The following PLBD2 variants were observed in gnomAD, a reference collection of about 807,000 sequenced individuals.
PLBD2 encodes the protein phospholipase B domain containing 2, also known as putative aminopeptidase PLBD2.
Under a neutral mutation model 68.3 loss-of-function variants are expected in PLBD2, and 51 were observed. The observed-to-expected ratio is 0.75, with a 90% CI of 0.60 to 0.94. The LOEUF (loss-of-function observed/expected upper bound fraction) is 0.94. PLBD2 is among the 40% of genes least tolerant of loss of function. The pLI is 0.00. For synonymous variants in PLBD2, 314 were observed against 339.3 expected (o/e 0.93, Z 0.82); for missense variants, 729 against 792.2 (o/e 0.92, Z 0.96).
At chr12:113,360,395 G>T (rs535434204) in intron 1 of PLBD2, among the ~76,000 whole-genome samples, 20 of 152,346 alleles carry the variant, frequency 1.3e-4, no homozygotes, top group South Asian at 2.1e-4. Context: ...AGGGGCAGGA[G>T]CGAGGCCCAG....
chr12:113,387,122 G>T (rs778649568), intron 10 of PLBD2, 33 bp downstream of exon 10: 2 of 1,533,366 alleles, frequency 1.3e-6, no homozygotes, highest in Non-Finnish European at 1.8e-6. Flanking sequence ...GTTGGGGAGA[G>T]GGAGGCCGCA....
At chr12:113,374,062 T>C (rs1339554682) in intron 3 of PLBD2, among the ~76,000 whole-genome samples, 1 of 152,048 alleles carries the variant, frequency 6.6e-6, no homozygotes, top group Non-Finnish European at 1.5e-5. Flanking sequence ...TTTATGGCTA[T>C]AGGATGTTGA....
Position 113,383,996 on chromosome 12 carries a change from CAAAAAAAAAAAA to C in PLBD2, c.958-96_958-85del. On this transcript the variant is annotated intron_variant, in intron 6 of 11. Transcript: ENST00000280800. ...CCTGGGCAAGAGTGAGACTCTATCT[CAAAAAAAAAAAA>C]AAAAAAAAAAAATTTTTGGAGCCAT... The C allele has an allele frequency of 1.0e-5, 5 of 490,518 alleles. No homozygotes were observed. The African/African-American group carries it at 1.1e-4, about 11-fold the overall frequency. The allele number at this position is 490,518 out of a possible 1,614,324, so 30.4% of individuals were successfully genotyped here.
In PLBD2 at chr12:113,387,781, A is replaced by G; in HGVS notation, c.1477A>G (p.Lys493Glu). The change falls in exon 11 of 12, where the codon AAA becomes GAA. Residue 493 changes from lysine (K) to glutamate (E), a missense_variant. Physicochemically the swap from Lys to Glu is moderately conservative, Grantham distance 56 (BLOSUM62 1). Coordinates refer to ENST00000280800, the MANE Select transcript of PLBD2 (RefSeq NM_173542.4). ...CCTCCATGACCCTCTGTCACTGTGC[A>G]AAGCCTGCAACCCCCAGCCCAATGG... The part of the protein sequence containing the change: ...DFLHDPLSLC[K>E]ACNPQPNGEN... The G allele has an allele frequency of 6.2e-7, 1 of 1,614,142 alleles. No individual in the cohort carries two copies. The highest frequency in any genetic ancestry group is 1.1e-5 in the South Asian group (1 of 91,084).
intron 1 of PLBD2, among the ~76,000 whole-genome samples, chr12:113,361,727 A>T (rs1290777831): frequency 6.6e-6 from 1 of 152,078 alleles, no homozygotes; most frequent in Non-Finnish European, 1.5e-5. Context: ...TGGTGCTTGG[A>T]GATCAGAGAT....
chr12:113,369,776 G>T (rs1026967059), intron 2 of PLBD2, among the ~76,000 whole-genome samples: 4 of 152,108 alleles, frequency 2.6e-5, no homozygotes, highest in African/African-American at 9.7e-5. Context: ...GGACTTGGGG[G>T]GAGTGGGGAG....
intron 1 of PLBD2, among the ~76,000 whole-genome samples, chr12:113,359,172 G>C (rs1270529917): frequency 6.6e-6 from 1 of 152,240 alleles, no homozygotes; most frequent in Admixed American, 6.5e-5. Context: ...CGAGGCCGCA[G>C]TGCCTGCATC....
intron 4 of PLBD2, 51 bp downstream of exon 4, chr12:113,374,625 A>T: frequency 1.3e-6 from 2 of 1,500,580 alleles, no homozygotes; most frequent in East Asian, 4.8e-5. Context: ...CCACACACTC[A>T]TAGTCGGACA....
chr12:113,385,578 C>T (rs948710955), intron 9 of PLBD2, among the ~76,000 whole-genome samples: 1 of 152,160 alleles, frequency 6.6e-6, no homozygotes, highest in Non-Finnish European at 1.5e-5. Context: ...GTACAGCTGT[C>T]ACCTCCTGAG....
Position 113,388,619 on chromosome 12 carries a change from G to C in PLBD2, c.1763G>C (p.Trp588Ser), listed in dbSNP as rs1390332195. Residue 588 changes from tryptophan (W) to serine (S), a missense_variant, in exon 12 of 12, where the codon TGG becomes TCG. Physicochemically the swap from Trp to Ser is radical, Grantham distance 177. Transcript: ENST00000280800. ...AAGTTCGCGCCTGTCAAGGTTTCATGGGACTGAAGTTCTGTCCCTGCTCTG... is the reference window on the plus strand; with the variant it reads ...AAGTTCGCGCCTGTCAAGGTTTCATCGGACTGAAGTTCTGTCCCTGCTCTG... ...LWKFAPVKVS[W>S]D 1.3e-6 allele frequency: 2 copies of C among 1,585,234 alleles called. No individual in the cohort carries two copies. The highest frequency in any genetic ancestry group is 2.7e-5 in the African/African-American group (2 of 73,912).
rs961748031 is a variant in PLBD2 at position 113,390,041 on chromosome 12, C to T, written c.*1415C>T. 1 of 152,216 alleles carries T rather than the reference C, an allele frequency of 6.6e-6. No individual in the cohort carries two copies. Among genetic ancestry groups the T allele is most frequent in the Non-Finnish European group, 1.5e-5 (1 of 68,114 alleles). 9.4% of individuals were successfully genotyped at this position (152,216 alleles called of 1,614,324 possible). ...ATTTTCCATCCACTTACCCACCCAC[C>T]CATTTACTCATCCAGCCATTGACTC... On this transcript the variant is annotated 3_prime_UTR_variant, in exon 12 of 12. Coordinates refer to ENST00000280800, the MANE Select transcript of PLBD2 (RefSeq NM_173542.4).
intron 5 of PLBD2, among the ~76,000 whole-genome samples, chr12:113,379,235 G>T (rs897630337): frequency 1.3e-5 from 2 of 150,178 alleles, no homozygotes; most frequent in Non-Finnish European, 3.0e-5. Flanking sequence ...TTGAACCTGG[G>T]AGGCAGAGGT....
chr12:113,388,882 G>C lies in PLBD2; in HGVS notation c.*256G>C, dbSNP rs1049247235. ...AATCTCCCACTCTCTGTTTCTGTCT[G>C]TTTCCTACTGCTGCTCTCTCAACCT... is the stretch of plus-strand genomic sequence containing the variant. On this transcript the variant is annotated 3_prime_UTR_variant, in exon 12 of 12. Coordinates refer to ENST00000280800, the MANE Select transcript of PLBD2 (RefSeq NM_173542.4). The C allele has an allele frequency of 2.6e-6, 1 of 380,882 alleles. No homozygotes were observed. Among genetic ancestry groups the C allele is most frequent in the Non-Finnish European group, 4.7e-6 (1 of 214,652 alleles). 23.6% of individuals were successfully genotyped at this position (380,882 alleles called of 1,614,324 possible).
chr12:113,364,431 C>T (rs1209497475), intron 1 of PLBD2, among the ~76,000 whole-genome samples: 1 of 151,522 alleles, frequency 6.6e-6, no homozygotes, highest in East Asian at 1.9e-4. Flanking sequence ...CCCATCATCA[C>T]ACTCGCCGGG....
At chr12:113,363,712 T>C (rs1957316773) in intron 1 of PLBD2, among the ~76,000 whole-genome samples, 1 of 151,984 alleles carries the variant, frequency 6.6e-6, no homozygotes. Context: ...TAATTTTTTG[T>C]ATTTTTAGTA....
At chr12:113,382,861 GTGTGTGTTTTT>G (rs1957507405) in intron 6 of PLBD2, among the ~76,000 whole-genome samples, 2 of 130,176 alleles carry the variant, frequency 1.5e-5, no homozygotes, top group African/African-American at 6.1e-5. Context: ...GTGTGTGTGT[GTGTGTGTTTTT>G]TTTTTTTTTT....
chr12:113,380,634 C>T lies in PLBD2; in HGVS notation c.860-111C>T, dbSNP rs929440766. The T allele has an allele frequency of 7.6e-5, 60 of 792,616 alleles. No homozygotes were observed. In the East Asian group the frequency reaches 1.6e-3, roughly 21 times the overall value. 49.1% of individuals were successfully genotyped at this position (792,616 alleles called of 1,614,324 possible). A position where few individuals can be genotyped will look rare whatever the true frequency, so the allele number is the denominator to read the frequency against. On this transcript the variant is annotated intron_variant, in intron 5 of 11. Transcript: ENST00000280800. ...AATGACAAAAAGGACACAGTGGGGG[C>T]TTCCTCGGAGGCCTGCCTGTGCCCC...
In PLBD2 at chr12:113,391,540, TA is replaced by T. The variant is rs1221872265; in HGVS notation, c.*2917del. On this transcript the variant is annotated 3_prime_UTR_variant, in exon 12 of 12. Transcript: ENST00000280800. ...TGTGAAGTTTACATTGACTAGATAGTAAACAAAATAAATGAAATATGCAGTG... is the reference window on the plus strand; with the variant it reads ...TGTGAAGTTTACATTGACTAGATAGTAACAAAATAAATGAAATATGCAGTG... The T allele has an allele frequency of 1.3e-5, 2 of 152,220 alleles. No homozygotes were observed. The highest frequency in any genetic ancestry group is 2.9e-5 in the Non-Finnish European group (2 of 68,046). The allele number at this position is 152,220 out of a possible 1,614,324, so 9.4% of individuals were successfully genotyped here. A position where few individuals can be genotyped will look rare whatever the true frequency, so the allele number is the denominator to read the frequency against.
chr12:113,363,160 C>T (rs946420816), intron 1 of PLBD2, among the ~76,000 whole-genome samples: 5 of 151,612 alleles, frequency 3.3e-5, no homozygotes, highest in East Asian at 2.0e-4. Flanking sequence ...TCTGGCCGGG[C>T]GCTGTGGCTT....
Sources: allele counts gnomAD v4.1 joint callset (sites outside exome capture counted in the v4.1 genomes callset), GRCh38; gene constraint gnomAD v4.1.1; transcripts MANE v1.5; gene names NCBI Gene and HGNC (gene_info 2026-07-23, HGNC 2026-07-21).